Variants in C1QTNF7 observed in about 807,000 individuals in gnomAD.
The protein encoded by C1QTNF7 is C1q and TNF related 7, also known as complement C1q tumor necrosis factor-related protein 7.
In C1QTNF7, 15 loss-of-function variants were observed where a neutral mutation model predicts 19.6. That is an observed-to-expected ratio of 0.76 (90% CI 0.51 to 1.18). The LOEUF (loss-of-function observed/expected upper bound fraction) is 1.18. Ranked by LOEUF, C1QTNF7 falls within the 50% of genes most tolerant of loss-of-function variation. The pLI, the probability that C1QTNF7 is intolerant of heterozygous loss-of-function variation, is 0.00. For missense variants in C1QTNF7, 324 were observed against 359.7 expected (o/e 0.90, Z 0.80); for synonymous variants, 142 against 137.5 (o/e 1.03, Z -0.23).
At chr4:15,386,838 A>T (rs868309502) in intron 1 of C1QTNF7, among the ~76,000 whole-genome samples, 3 of 152,142 alleles carry the variant, frequency 2.0e-5, no homozygotes, top group Non-Finnish European at 4.4e-5. Flanking sequence ...GAAGTAGAAT[A>T]TGATGTAGAC....
At chr4:15,345,552 A>T (rs1272010441) in intron 1 of C1QTNF7, among the ~76,000 whole-genome samples, 1 of 152,258 alleles carries the variant, frequency 6.6e-6, no homozygotes, top group Non-Finnish European at 1.5e-5. Context: ...GTTGTTTTCA[A>T]TAAAACTCTT....
intron 1 of C1QTNF7, among the ~76,000 whole-genome samples, chr4:15,390,275 A>G (rs1718506328): frequency 6.6e-6 from 1 of 152,208 alleles, no homozygotes; most frequent in African/African-American, 2.4e-5. Flanking sequence ...CTGCTCTTCA[A>G]TCCTTTCGAC....
intron 1 of C1QTNF7, 40 bp downstream of exon 1, chr4:15,428,146 T>C (rs1712138605): frequency 1.1e-6 from 1 of 895,702 alleles, no homozygotes; most frequent in East Asian, 1.2e-4. Flanking sequence ...TTGGCAAATG[T>C]AGATGCAATG....
At chr4:15,429,309 C>T (rs1712198907) in intron 1 of C1QTNF7, among the ~76,000 whole-genome samples, 1 of 152,146 alleles carries the variant, frequency 6.6e-6, no homozygotes, top group African/African-American at 2.4e-5. Flanking sequence ...TTTTGTTATG[C>T]AGTATCATCA....
intron 1 of C1QTNF7, among the ~76,000 whole-genome samples, chr4:15,361,466 G>A (rs751781478): frequency 5.3e-5 from 8 of 152,054 alleles, no homozygotes; most frequent in Middle Eastern, 3.4e-3. Flanking sequence ...CACATTAATC[G>A]CTTACATTGC....
At chr4:15,440,492 C>T (rs932670782) in intron 2 of C1QTNF7, among the ~76,000 whole-genome samples, 2 of 151,628 alleles carry the variant, frequency 1.3e-5, no homozygotes, top group East Asian at 3.9e-4. Context: ...GCTGCAACCT[C>T]CGCCTCCCGG....
At chr4:15,356,990 G>C (rs542772574) in intron 1 of C1QTNF7, among the ~76,000 whole-genome samples, 2 of 148,626 alleles carry the variant, frequency 1.3e-5, no homozygotes, top group East Asian at 4.0e-4. Flanking sequence ...GTATATTCTG[G>C]ATTTTAGCCC....
intron 1 of C1QTNF7, among the ~76,000 whole-genome samples, chr4:15,340,949 A>G (rs1716515794): frequency 6.6e-6 from 1 of 152,168 alleles, no homozygotes; most frequent in Non-Finnish European, 1.5e-5. Flanking sequence ...TCACTTGAGA[A>G]GTATCTTGTG....
chr4:15,366,036 C>T (rs1035534495), intron 1 of C1QTNF7, among the ~76,000 whole-genome samples: 3 of 152,150 alleles, frequency 2.0e-5, no homozygotes, highest in African/African-American at 7.2e-5. Context: ...AAGATGTCCA[C>T]TACAGTGTAC....
upstream of C1QTNF7, among the ~76,000 whole-genome samples, chr4:15,423,079 A>AGAAAC (rs1314697605): frequency 6.6e-6 from 1 of 152,248 alleles, no homozygotes; most frequent in Non-Finnish European, 1.5e-5. Flanking sequence ...CATGTGAAGT[A>AGAAAC]GAAACCAGGT....
intron 1 of C1QTNF7, among the ~76,000 whole-genome samples, chr4:15,351,333 C>A (rs1577228839): frequency 6.6e-6 from 1 of 152,130 alleles, no homozygotes; most frequent in African/African-American, 2.4e-5. Flanking sequence ...TAATCAAACA[C>A]AAATTTTAGC....
intron 1 of C1QTNF7, among the ~76,000 whole-genome samples, chr4:15,403,123 T>C (rs1301296363): frequency 6.6e-6 from 1 of 152,136 alleles, no homozygotes; most frequent in Non-Finnish European, 1.5e-5. Context: ...TCTGCCTGTC[T>C]CTGAGTCCCA....
At chr4:15,343,162 C>T (rs1041515274) in intron 1 of C1QTNF7, among the ~76,000 whole-genome samples, 16 of 152,288 alleles carry the variant, frequency 1.1e-4, no homozygotes, top group East Asian at 1.9e-4. Context: ...CACCGACTCC[C>T]GTGATCGGGT....
intron 2 of C1QTNF7, among the ~76,000 whole-genome samples, chr4:15,438,649 G>A (rs1466707331): frequency 6.6e-6 from 1 of 151,932 alleles, no homozygotes; most frequent in African/African-American, 2.4e-5. Flanking sequence ...ATTTAATCTG[G>A]GTACATATCC....
chr4:15,442,481 G>A lies in C1QTNF7; in HGVS notation c.552G>A (p.Lys184=), dbSNP rs1182670800. The A allele has an allele frequency of 1.2e-6, 2 of 1,614,118 alleles. No homozygotes were observed. Among genetic ancestry groups the A allele is most frequent in the Non-Finnish European group, 1.7e-6 (2 of 1,180,048 alleles). The stretch of plus-strand genomic sequence containing the variant: ...AGCACTACAACCCTGCCACAGGGAA[G>A]TTCATCTGTGCTTTCCCAGGGATCT... ...EGEHYNPATG[K]FICAFPGIYY... Residue 184 remains lysine (K), a synonymous_variant, in exon 3 of 3, where the codon AAG becomes AAA. Transcript: ENST00000444304.
At chr4:15,383,790 C>T (rs1365681980) in intron 1 of C1QTNF7, among the ~76,000 whole-genome samples, 1 of 152,230 alleles carries the variant, frequency 6.6e-6, no homozygotes, top group Non-Finnish European at 1.5e-5. Flanking sequence ...AGTCTTGAAA[C>T]ATGCCTTTAA....
At chr4:15,351,377 CTG>C (rs1435700731) in intron 1 of C1QTNF7, among the ~76,000 whole-genome samples, 1 of 152,186 alleles carries the variant, frequency 6.6e-6, no homozygotes, top group African/African-American at 2.4e-5. Context: ...ACAACTAAAA[CTG>C]TATGTTGCCT....
intron 1 of C1QTNF7, among the ~76,000 whole-genome samples, chr4:15,351,998 A>T (rs539059071): frequency 6.6e-6 from 1 of 152,144 alleles, no homozygotes; most frequent in Non-Finnish European, 1.5e-5. Context: ...GGGAGGCCTA[A>T]GCGTATTTGA....
chr4:15,446,089 G>C lies in C1QTNF7; in HGVS notation c.*3290G>C, dbSNP rs1712990525. ...ACAGTGTTGCTTATGATAAAAAATA[G>C]ATTCTATAAACTCTAAATATACTTT... is the stretch of plus-strand genomic sequence containing the variant. On this transcript the variant is annotated 3_prime_UTR_variant, in exon 3 of 3. Coordinates refer to ENST00000444304, the MANE Select transcript of C1QTNF7 (RefSeq NM_031911.5). 1 of 152,162 alleles carries C rather than the reference G, an allele frequency of 6.6e-6. No homozygotes were observed. Among genetic ancestry groups the C allele is most frequent in the South Asian group, 2.1e-4 (1 of 4,824 alleles). 9.4% of individuals were successfully genotyped at this position (152,162 alleles called of 1,614,324 possible).
Sources: gnomAD v4.1 joint callset for allele counts (sites outside exome capture counted in the v4.1 genomes callset) on GRCh38, gnomAD v4.1.1 for gene constraint, MANE v1.5 for transcripts, NCBI Gene and HGNC (gene_info 2026-07-23, HGNC 2026-07-21) for gene names.